LIMS1: variants seen among roughly 807,000 people sequenced by gnomAD.
LIMS1 encodes the protein LIM zinc finger domain containing 1.
LIMS1 carries 18 observed loss-of-function variants against 44.1 expected under a neutral mutation model. The ratio of observed to expected loss-of-function variants is 0.41; its 90% CI spans 0.28 to 0.61. The LOEUF (loss-of-function observed/expected upper bound fraction) is 0.61. Among genes scored for constraint, LIMS1 ranks in the 20% least tolerant of loss-of-function variants. LIMS1 has a pLI of 0.32. For synonymous variants in LIMS1, 93 were observed against 149.1 expected (o/e 0.62, Z 2.74); for missense variants, 201 against 422.0 (o/e 0.48, Z 4.59).
At chr2:108,667,530 AC>A (rs1184169544) in intron 2 of LIMS1, among the ~76,000 whole-genome samples, 1 of 48,100 alleles carries the variant, frequency 2.1e-5, no homozygotes, top group Non-Finnish European at 3.7e-5. Flanking sequence ...TATATTTTCA[AC>A]CTTTTTTAAA....
At chr2:108,615,351 A>G (rs753397769) in intron 1 of LIMS1, among the ~76,000 whole-genome samples, 10 of 152,184 alleles carry the variant, frequency 6.6e-5, no homozygotes, top group Non-Finnish European at 1.0e-4. Context: ...GATACCCTCT[A>G]TTTTGCCCTC....
At chr2:108,615,732 AGT>A (rs1435599743) in intron 1 of LIMS1, among the ~76,000 whole-genome samples, 1 of 152,148 alleles carries the variant, frequency 6.6e-6, no homozygotes, top group Non-Finnish European at 1.5e-5. Context: ...GAAGGAGAAA[AGT>A]GTGCTTAGTC....
At chr2:108,624,125 C>G (rs1326893432) in intron 1 of LIMS1, among the ~76,000 whole-genome samples, 1 of 152,216 alleles carries the variant, frequency 6.6e-6, no homozygotes, top group African/African-American at 2.4e-5. Flanking sequence ...TGAAGTGACA[C>G]AAGTGACATG....
chr2:108,610,210 ATTC>A (rs1227032610), intron 1 of LIMS1, among the ~76,000 whole-genome samples: 7 of 147,878 alleles, frequency 4.7e-5, no homozygotes, highest in East Asian at 3.9e-4. Context: ...TTATAAAACT[ATTC>A]TTTTTTATTT....
intron 1 of LIMS1, among the ~76,000 whole-genome samples, chr2:108,583,959 G>T (rs2104662425): frequency 6.6e-6 from 1 of 152,236 alleles, no homozygotes; most frequent in African/African-American, 2.4e-5. Context: ...CTCCCAAAGT[G>T]CTGAGATTAC....
chr2:108,595,605 A>G (rs1421970141), intron 1 of LIMS1, among the ~76,000 whole-genome samples: 1 of 151,478 alleles, frequency 6.6e-6, no homozygotes, highest in Non-Finnish European at 1.5e-5. Context: ...AGTTTTTCCC[A>G]TTGTACTTGG....
At chr2:108,649,325 A>G (rs1351643869) in intron 1 of LIMS1, among the ~76,000 whole-genome samples, 3 of 152,214 alleles carry the variant, frequency 2.0e-5, no homozygotes, top group African/African-American at 7.2e-5. Context: ...TCAGGAAACA[A>G]CAGATGCTGG....
At chr2:108,567,352 A>G (rs1283347346) in intron 1 of LIMS1, among the ~76,000 whole-genome samples, 1 of 152,110 alleles carries the variant, frequency 6.6e-6, no homozygotes, top group African/African-American at 2.4e-5. Flanking sequence ...GTTGGTTCCC[A>G]TCTTGCTCCC....
In LIMS1 at chr2:108,672,866, T is replaced by C. The variant is rs1223966556; in HGVS notation, c.381-14T>C. 4.5e-6 allele frequency: 3 copies of C among 666,198 alleles called. No homozygotes were observed. Among genetic ancestry groups the C allele is most frequent in the Admixed American group, 3.6e-5 (1 of 27,466 alleles). The allele number at this position is 666,198 out of a possible 1,614,324, so 41.3% of individuals were successfully genotyped here. On this transcript the variant is annotated splice_polypyrimidine_tract_variant and intron_variant, in intron 4 of 9. Transcript: ENST00000544547. ...GAACCTAAAATTTTAAATTTAAGTT[T>C]TGACTCTGTTTAGACACCTGTGTCG...
At chr2:108,672,941 C>G in exon 5 of LIMS1, 1 of 1,034,802 alleles carries the variant, frequency 9.7e-7, no homozygotes, top group Non-Finnish European at 1.4e-6. Context: ...ATACATCTGC[C>G]AGAAATGCCA....
At chr2:108,666,209 A>G (rs1359335968) in intron 2 of LIMS1, among the ~76,000 whole-genome samples, 1 of 152,208 alleles carries the variant, frequency 6.6e-6, no homozygotes, top group African/African-American at 2.4e-5. Flanking sequence ...TCTGGCTGAC[A>G]TGCTCTGTAA....
rs182547196 is a variant in LIMS1 at position 108,681,347 on chromosome 2, A to G, written c.899+577A>G. On this transcript the variant is annotated intron_variant, in intron 9 of 9. Coordinates refer to ENST00000544547, the Ensembl canonical transcript of LIMS1. ...AATGAATACACTCCATACTTAATAC[A>G]GTTTTGTGGTCATGTATTTCACTTA... 9,799 of 984,816 alleles carry G rather than the reference A, an allele frequency of 1.0e-2. 55 individuals are homozygous for G. Among genetic ancestry groups the G allele is most frequent in the Non-Finnish European group, 0.011 (9,219 of 829,470 alleles). The allele number at this position is 984,816 out of a possible 1,614,324, so 61.0% of individuals were successfully genotyped here.
intron 1 of LIMS1, among the ~76,000 whole-genome samples, chr2:108,537,755 T>C (rs1056259922): frequency 6.6e-6 from 1 of 152,212 alleles, no homozygotes; most frequent in Non-Finnish European, 1.5e-5. Flanking sequence ...TTCCCTTTGC[T>C]GTAGCCCCTT....
intron 1 of LIMS1, among the ~76,000 whole-genome samples, chr2:108,607,933 G>C (rs1474635996): frequency 6.6e-6 from 1 of 152,178 alleles, no homozygotes; most frequent in Admixed American, 6.5e-5. Flanking sequence ...GGCAGGCGCA[G>C]TGCTTTGAAA....
At chr2:108,564,744 T>A (rs892721431) in intron 1 of LIMS1, among the ~76,000 whole-genome samples, 7 of 151,650 alleles carry the variant, frequency 4.6e-5, no homozygotes, top group Non-Finnish European at 7.4e-5. Context: ...AAATGGAAGG[T>A]ACGTAAGATT....
At chr2:108,593,293 C>T (rs1013375997) in intron 1 of LIMS1, among the ~76,000 whole-genome samples, 3 of 152,184 alleles carry the variant, frequency 2.0e-5, no homozygotes, top group Admixed American at 6.5e-5. Context: ...GTGACTTCTA[C>T]TGTGAAAAAA....
intron 8 of LIMS1, chr2:108,678,446 G>C: frequency 4.7e-6 from 1 of 213,184 alleles, no homozygotes; most frequent in South Asian, 7.1e-5. Context: ...TACCACCCTT[G>C]TACTGTGGTA....
At chr2:108,613,323 G>A (rs1348827066) in intron 1 of LIMS1, among the ~76,000 whole-genome samples, 1 of 152,122 alleles carries the variant, frequency 6.6e-6, no homozygotes, top group Non-Finnish European at 1.5e-5. Flanking sequence ...GGTTTAAAAC[G>A]CTTACGTTTC....
chr2:108,607,630 G>A (rs2104741481), intron 1 of LIMS1, among the ~76,000 whole-genome samples: 1 of 152,262 alleles, frequency 6.6e-6, no homozygotes, highest in East Asian at 1.9e-4. Flanking sequence ...TCATTTACCT[G>A]TTAATTGTGC....
Sources: allele counts gnomAD v4.1 joint callset (sites outside exome capture counted in the v4.1 genomes callset), GRCh38; gene constraint gnomAD v4.1.1; transcripts MANE v1.5; gene names NCBI Gene and HGNC (gene_info 2026-07-23, HGNC 2026-07-21).